MYO18B: variants seen among roughly 807,000 people sequenced by gnomAD.
MYO18B encodes the protein myosin XVIIIB.
In MYO18B, 204 loss-of-function variants were observed where a neutral mutation model predicts 273.0. That is an observed-to-expected ratio of 0.75 (90% CI 0.67 to 0.84). The LOEUF (loss-of-function observed/expected upper bound fraction) is 0.84, where lower values mean the gene tolerates loss of function less well. Among genes scored for constraint, MYO18B ranks in the 40% least tolerant of loss-of-function variants. The pLI is 0.00. For missense variants in MYO18B, 3,212 were observed against 3,287.6 expected (o/e 0.98, Z 0.56); for synonymous variants, 1,330 against 1,305.7 (o/e 1.02, Z -0.40).
the MYO18B span, among the ~76,000 whole-genome samples, chr22:26,054,742 C>T: frequency 4.6e-5 from 7 of 152,136 alleles, no homozygotes; most frequent in Non-Finnish European, 7.3e-5. Flanking sequence ...TTTATAGAGA[C>T]GGTTTAATAG....
chr22:25,823,804 T>C, intron 13 of MYO18B, 126 bp downstream of exon 13: 1 of 1,011,632 alleles, frequency 9.9e-7, no homozygotes, highest in Admixed American at 2.2e-5. Flanking sequence ...AGGCGTGTGT[T>C]AGATGCAGGG....
rs541125114 is a variant in MYO18B, at chr22:25,951,725, A to G, written c.5833-561A>G. Among the ~76,000 whole-genome samples, 5 of 152,260 alleles carry G rather than the reference A, an allele frequency of 3.3e-5. No individual in the cohort carries two copies. In the South Asian group the frequency reaches 8.3e-4, roughly 25 times the overall value. The stretch of plus-strand genomic sequence containing the variant: ...TGTTGGAGTGACCAGGTCTCAAGCA[A>G]TTTCCTATGGGTGCTGGATAACAAC... On this transcript the variant is annotated intron_variant, in intron 37 of 43. Coordinates refer to ENST00000335473, the MANE Select transcript of MYO18B (RefSeq NM_032608.7).
intron 13 of MYO18B, 104 bp downstream of exon 13, chr22:25,823,782 C>A: frequency 3.2e-6 from 4 of 1,268,682 alleles, no homozygotes; most frequent in South Asian, 1.4e-5. Context: ...TTGTTAAGGG[C>A]CTATGCTATG....
At position 25,890,876 on chromosome 22, in the gene MYO18B, G is replaced by GT. The variant is rs2091640879; in HGVS notation, c.4434+2dup. ...CTTCCGGGAGGTCCAGGAGCTCAAG[G>GT]TGAGTGGTCAGGGGTGGCCAGGGGT... On this transcript the variant is annotated splice_donor_variant, in intron 26 of 43. Coordinates refer to ENST00000335473, the MANE Select transcript of MYO18B (RefSeq NM_032608.7). LOFTEE classifies it high-confidence loss of function. 1 of 1,613,074 alleles carries GT rather than the reference G, an allele frequency of 6.2e-7. No homozygotes were observed. Among genetic ancestry groups the GT allele is most frequent in the South Asian group, 1.1e-5 (1 of 90,974 alleles).
At chr22:26,021,080 C>T (rs879168585) in intron 42 of MYO18B, among the ~76,000 whole-genome samples, 1 of 152,148 alleles carries the variant, frequency 6.6e-6, no homozygotes. Context: ...TAGAGCAAGA[C>T]TCCGTCTCAA....
chr22:25,943,613 A>G (rs1397008571), intron 34 of MYO18B, among the ~76,000 whole-genome samples: 1 of 151,008 alleles, frequency 6.6e-6, no homozygotes, highest in Non-Finnish European at 1.5e-5. Flanking sequence ...CACCACCGTT[A>G]GTTCCTGTCT....
At chr22:25,817,170 T>C (rs1209522683) in intron 12 of MYO18B, among the ~76,000 whole-genome samples, 1 of 152,176 alleles carries the variant, frequency 6.6e-6, no homozygotes, top group Admixed American at 6.5e-5. Context: ...TTCATTACTT[T>C]CCCTTGTTCC....
At chr22:25,955,471 G>A in intron 39 of MYO18B, 107 bp downstream of exon 39, 1 of 1,184,778 alleles carries the variant, frequency 8.4e-7, no homozygotes, top group East Asian at 2.6e-5. Context: ...TTGGGTCCTG[G>A]GCCTCAGGGG....
chr22:25,868,174 T>A, intron 21 of MYO18B, 146 bp from the exon 22 acceptor site: 1 of 657,632 alleles, frequency 1.5e-6, no homozygotes, highest in Non-Finnish European at 2.6e-6. Flanking sequence ...CCTTCCTGTG[T>A]GAGGTGGGGC....
At chr22:25,950,593 C>CTCTTGTCTCAA in intron 37 of MYO18B, 143 bp downstream of exon 37, 3 of 587,506 alleles carry the variant, frequency 5.1e-6, no homozygotes, top group Non-Finnish European at 8.3e-6. Context: ...ATTTTTGAGA[C>CTCTTGTCTCAA]AAGAGTCTCA....
chr22:25,838,153 A>T (rs2089962759), intron 17 of MYO18B, among the ~76,000 whole-genome samples: 1 of 150,996 alleles, frequency 6.6e-6, no homozygotes, highest in Non-Finnish European at 1.5e-5. Context: ...AATTATACAC[A>T]CACACAAATA....
chr22:25,811,162 C>G (rs909607503), intron 12 of MYO18B, among the ~76,000 whole-genome samples: 1 of 151,054 alleles, frequency 6.6e-6, no homozygotes, highest in Middle Eastern at 3.4e-3. Flanking sequence ...TACAGGTGGC[C>G]GCCACTGTGC....
chr22:25,849,909 A>G (rs1440578051), intron 20 of MYO18B, among the ~76,000 whole-genome samples: 1 of 152,242 alleles, frequency 6.6e-6, no homozygotes, highest in African/African-American at 2.4e-5. Context: ...CATAGTGACC[A>G]TGTGAAGATA....
At chr22:26,057,826 C>G in the MYO18B span, among the ~76,000 whole-genome samples, 2 of 152,126 alleles carry the variant, frequency 1.3e-5, no homozygotes, top group African/African-American at 4.8e-5. Context: ...TTTTAAAATT[C>G]TGGGTCCTGA....
chr22:25,745,066 C>T (rs117733308), intron 1 of MYO18B, among the ~76,000 whole-genome samples: 124 of 152,264 alleles, frequency 8.1e-4, no homozygotes, highest in Non-Finnish European at 1.4e-3. Context: ...AAAGGATAAA[C>T]CTCAGCTCTC....
At chr22:25,769,465 G>A (rs773101060) in intron 4 of MYO18B, 37 bp downstream of exon 4, 1 of 1,466,548 alleles carries the variant, frequency 6.8e-7, no homozygotes, top group Non-Finnish European at 9.1e-7. Context: ...GGAAGCGGCA[G>A]ACAGGCCTCT....
the MYO18B span, among the ~76,000 whole-genome samples, chr22:26,038,161 G>T: frequency 1.3e-5 from 2 of 152,206 alleles, no homozygotes; most frequent in Non-Finnish European, 2.9e-5. Flanking sequence ...GGAGAGAAAT[G>T]ATTTGAGGAT....
chr22:26,007,006 G>A (rs560703090), intron 42 of MYO18B, among the ~76,000 whole-genome samples: 1 of 152,276 alleles, frequency 6.6e-6, no homozygotes, highest in Admixed American at 6.5e-5. Flanking sequence ...TGGGTCTTCA[G>A]CATCTCCCAG....
At chr22:26,018,177 T>C (rs1935532509) in intron 42 of MYO18B, among the ~76,000 whole-genome samples, 1 of 152,078 alleles carries the variant, frequency 6.6e-6, no homozygotes, top group African/African-American at 2.4e-5. Context: ...TTTGTAAAAT[T>C]GTCAAAGACT....
Sources: gnomAD v4.1 joint callset for allele counts (sites outside exome capture counted in the v4.1 genomes callset) on GRCh38, gnomAD v4.1.1 for gene constraint, MANE v1.5 for transcripts, NCBI Gene and HGNC (gene_info 2026-07-23, HGNC 2026-07-21) for gene names.